MDN1: variants seen among roughly 807,000 people sequenced by gnomAD.
MDN1 encodes midasin.
MDN1 carries 266 observed loss-of-function variants against 669.2 expected under a neutral mutation model. That is an observed-to-expected ratio of 0.40 (90% CI 0.36 to 0.44). The LOEUF is 0.44. Among genes scored for constraint, MDN1 ranks in the 20% least tolerant of loss-of-function variants. MDN1 has a pLI of 1.00. For missense variants in MDN1, 5,940 were observed against 6,754.0 expected (o/e 0.88, Z 4.22); for synonymous variants, 2,385 against 2,457.1 (o/e 0.97, Z 0.87).
intron 27 of MDN1, among the ~76,000 whole-genome samples, chr6:89,746,730 CTCT>C (rs1210834013): frequency 6.6e-6 from 1 of 151,934 alleles, no homozygotes. Context: ...GTTTTACATA[CTCT>C]TCTTACTTAT....
intron 100 of MDN1, among the ~76,000 whole-genome samples, chr6:89,646,291 A>G (rs1322512759): frequency 6.6e-6 from 1 of 152,122 alleles, no homozygotes; most frequent in Non-Finnish European, 1.5e-5. Flanking sequence ...ATAAATCTGA[A>G]CTCAAGTAAG....
chr6:89,673,822 C>T (rs1810995572), intron 79 of MDN1, among the ~76,000 whole-genome samples: 1 of 152,158 alleles, frequency 6.6e-6, no homozygotes, highest in South Asian at 2.1e-4. Flanking sequence ...TTATTTTGGA[C>T]CACCACAAAT....
Position 89,718,377 on chromosome 6 carries a change from T to C in MDN1, c.6572A>G (p.Tyr2191Cys). 1 of 1,613,692 alleles carries C rather than the reference T, an allele frequency of 6.2e-7. No individual in the cohort carries two copies. The highest frequency in any genetic ancestry group is 8.5e-7 in the Non-Finnish European group (1 of 1,179,976). Reference protein sequence around the residue: ...MQRLNNKINSYCKAEFAKLVE... With the variant: ...MQRLNNKINSCCKAEFAKLVE... Reference sequence around the variant, plus strand: ...CCAAATATACATACCTGCCTTGCAGTATGAGTTGATTTTATTGTTGAGTCG... The same window carrying C: ...CCAAATATACATACCTGCCTTGCAGCATGAGTTGATTTTATTGTTGAGTCG... Residue 2191 changes from tyrosine to cysteine, a missense_variant, in exon 43 of 102, where the codon TAC (tyrosine) becomes TGC (cysteine). Coordinates refer to ENST00000369393, the MANE Select transcript of MDN1 (RefSeq NM_014611.3).
At chr6:89,664,773 A>G in intron 84 of MDN1, 145 bp from the exon 85 acceptor site, 1 of 616,038 alleles carries the variant, frequency 1.6e-6, no homozygotes, top group Non-Finnish European at 2.6e-6. Flanking sequence ...GCCACATGGA[A>G]TTTGTAAAAT....
intron 74 of MDN1, among the ~76,000 whole-genome samples, chr6:89,680,152 C>T (rs553044227): frequency 6.6e-6 from 1 of 152,128 alleles, no homozygotes; most frequent in African/African-American, 2.4e-5. Flanking sequence ...TCGCTCTCAC[C>T]TTCCCTGAGC....
At chr6:89,701,700 C>T (rs746533094) in intron 54 of MDN1, 22 bp from the exon 55 acceptor site, 1 of 1,605,240 alleles carries the variant, frequency 6.2e-7, no homozygotes, top group South Asian at 1.1e-5. Context: ...AACAAGGGCA[C>T]AGGGGAAATA....
At chr6:89,791,100 G>T (rs940975043) in intron 5 of MDN1, among the ~76,000 whole-genome samples, 1 of 152,238 alleles carries the variant, frequency 6.6e-6, no homozygotes, top group Admixed American at 6.5e-5. Context: ...TGGGGGTGAG[G>T]GATGGTGGGG....
intron 33 of MDN1, among the ~76,000 whole-genome samples, chr6:89,735,514 T>C (rs1459767796): frequency 7.2e-5 from 11 of 152,046 alleles, no homozygotes; most frequent in Admixed American, 6.6e-4. Context: ...GCTAAGATTA[T>C]AGGCACGTAC....
chr6:89,770,939 C>T (rs1468769608), intron 15 of MDN1, among the ~76,000 whole-genome samples: 1 of 151,750 alleles, frequency 6.6e-6, no homozygotes, highest in African/African-American at 2.4e-5. Flanking sequence ...TGAAGAGAAA[C>T]ATCTACACAC....
In MDN1 at chr6:89,658,281, A is replaced by G. The variant is rs1351789280; in HGVS notation, c.15111T>C (p.Gly5037=). 6.2e-7 allele frequency: 1 copy of G among 1,614,004 alleles called. No individual in the cohort carries two copies. Among genetic ancestry groups the G allele is most frequent in the Admixed American group, 1.7e-5 (1 of 60,010 alleles). The stretch of plus-strand genomic sequence containing the variant: ...CCTGTGTGTTCTGCATGTTCTCCAC[A>G]CCAGTCTGCCCACAGGAGGCATGCT... ...RKEHASCGQT[G]VENMQNTQAM... The change falls in exon 90 of 102, where the codon GGT becomes GGC. Residue 5037 remains glycine (G), a synonymous_variant. Coordinates refer to ENST00000369393, the MANE Select transcript of MDN1 (RefSeq NM_014611.3).
chr6:89,682,699 TAAAAAAAAAAAAAA>T (rs143107841), intron 73 of MDN1, among the ~76,000 whole-genome samples: 9 of 96,896 alleles, frequency 9.3e-5, no homozygotes, highest in East Asian at 2.3e-4. Flanking sequence ...GACTCTGTCT[TAAAAAAAAAAAAAA>T]AAAAAAAAAA....
chr6:89,761,517 G>T, intron 17 of MDN1, 128 bp downstream of exon 17: 1 of 553,030 alleles, frequency 1.8e-6, no homozygotes. Context: ...TTACCATGAA[G>T]GACACTTTTC....
chr6:89,762,099 G>A (rs1817574294), intron 16 of MDN1, among the ~76,000 whole-genome samples: 1 of 152,152 alleles, frequency 6.6e-6, no homozygotes, highest in South Asian at 2.1e-4. Flanking sequence ...GAGGAAATGT[G>A]CCTTACTGAC....
At chr6:89,750,258 C>A in intron 24 of MDN1, 96 bp downstream of exon 24, 1 of 1,268,410 alleles carries the variant, frequency 7.9e-7, no homozygotes, top group South Asian at 1.5e-5. Context: ...AGCAAAGGTC[C>A]ATGTGCCTCA....
rs746749174 is a variant in MDN1 at position 89,718,624 on chromosome 6, C to G, written c.6325G>C (p.Asp2109His). The G allele has an allele frequency of 6.2e-7, 1 of 1,613,342 alleles. No individual in the cohort carries two copies. The highest frequency in any genetic ancestry group is 1.1e-5 in the South Asian group (1 of 91,056). ...AGCCTCCTCCAAGGTCGTATAAGAT[C>G]AACCTGTAATTTCCAGAGGACATGA... ...TELLGGFEQV[D>H]LIRPWRRLLE... The change falls in exon 43 of 102, where the codon GAT becomes CAT. Residue 2109 changes from aspartate (D) to histidine (H), a missense_variant. Physicochemically the swap from Asp to His is moderately conservative, Grantham distance 81 (BLOSUM62 -1). Around this residue, in one of 5 missense-constraint regions of MDN1, gnomAD observed 2,292 missense variants for 2,638.3 expected, o/e 0.87. Coordinates refer to ENST00000369393, the MANE Select transcript of MDN1 (RefSeq NM_014611.3).
chr6:89,728,595 C>T (rs2128314637), intron 36 of MDN1, among the ~76,000 whole-genome samples: 1 of 152,270 alleles, frequency 6.6e-6, no homozygotes, highest in South Asian at 2.1e-4. Context: ...CTTTGGGAGG[C>T]CAAGGCAGGT....
chr6:89,668,349 T>C (rs973743387), intron 83 of MDN1, among the ~76,000 whole-genome samples, 198 bp from the exon 84 acceptor site: 3 of 152,236 alleles, frequency 2.0e-5, no homozygotes, highest in African/African-American at 7.2e-5. Flanking sequence ...GTTTCACAGC[T>C]TGACATCAGA....
intron 1 of MDN1, chr6:89,815,294 C>T: frequency 4.2e-6 from 2 of 474,160 alleles, no homozygotes; most frequent in African/African-American, 2.0e-5. Flanking sequence ...CTATGGGGAG[C>T]AGGAATTCGG....
chr6:89,668,228 A>G (rs1338117546), intron 83 of MDN1, 77 bp from the exon 84 acceptor site: 1 of 1,546,114 alleles, frequency 6.5e-7, no homozygotes, highest in African/African-American at 1.4e-5. Context: ...TTGCCACAGG[A>G]AAACAATTTA....
Sources: gnomAD v4.1 joint callset for allele counts (sites outside exome capture counted in the v4.1 genomes callset) on GRCh38, gnomAD v4.1.1 for gene constraint, gnomAD v4.1.1 regional missense constraint, MANE v1.5 for transcripts, NCBI Gene and HGNC (gene_info 2026-07-23, HGNC 2026-07-21) for gene names.